UXS1: variants seen among roughly 807,000 people sequenced by gnomAD.
UXS1 encodes the protein UDP-glucuronate decarboxylase 1.
In UXS1, 33 loss-of-function variants were observed where a neutral mutation model predicts 62.6. The observed-to-expected ratio is 0.53, with a 90% CI of 0.40 to 0.70. The LOEUF (loss-of-function observed/expected upper bound fraction) is 0.70. Ranked by LOEUF, UXS1 falls within the 30% of genes least tolerant of loss-of-function variation. The pLI, the probability that UXS1 is intolerant of heterozygous loss-of-function variation, is 0.00. For missense variants in UXS1, 434 were observed against 556.3 expected (o/e 0.78, Z 2.21); for synonymous variants, 213 against 206.8 (o/e 1.03, Z -0.26).
At chr2:106,126,984 A>C (rs1203270056) in intron 7 of UXS1, among the ~76,000 whole-genome samples, 1 of 152,198 alleles carries the variant, frequency 6.6e-6, no homozygotes, top group African/African-American at 2.4e-5. Context: ...CAAGGATGAT[A>C]CACAAATGGA....
At chr2:106,182,564 G>C (rs1684313678) in intron 1 of UXS1, among the ~76,000 whole-genome samples, 1 of 152,202 alleles carries the variant, frequency 6.6e-6, no homozygotes, top group Non-Finnish European at 1.5e-5. Context: ...AAAAAGGGCA[G>C]AGAGGGAAAG....
chr2:106,144,122 T>C (rs1256625167), intron 6 of UXS1, among the ~76,000 whole-genome samples: 1 of 152,218 alleles, frequency 6.6e-6, no homozygotes, highest in East Asian at 1.9e-4. Context: ...CCCTGTCACA[T>C]GTATGACCTC....
intron 5 of UXS1, 101 bp downstream of exon 5, chr2:106,157,957 G>T: frequency 9.5e-7 from 1 of 1,049,422 alleles, no homozygotes; most frequent in Non-Finnish European, 1.4e-6. Flanking sequence ...CCACTGAATC[G>T]TATCTTTGAG....
intron 5 of UXS1, among the ~76,000 whole-genome samples, chr2:106,145,861 C>A (rs909652765): frequency 3.3e-5 from 5 of 152,144 alleles, no homozygotes; most frequent in African/African-American, 1.2e-4. Context: ...AAACAAATAT[C>A]TTTTAAATTG....
chr2:106,192,864 G>A (rs1685017811), intron 1 of UXS1, among the ~76,000 whole-genome samples: 1 of 152,144 alleles, frequency 6.6e-6, no homozygotes, highest in African/African-American at 2.4e-5. Flanking sequence ...TAAGAATCAT[G>A]ACTCACACAG....
At chr2:106,193,750 G>C (rs1685085882) in intron 1 of UXS1, among the ~76,000 whole-genome samples, 1 of 152,144 alleles carries the variant, frequency 6.6e-6, no homozygotes, top group African/African-American at 2.4e-5. Flanking sequence ...ACACCGCGGC[G>C]CGACCTCGGC....
intron 14 of UXS1, among the ~76,000 whole-genome samples, chr2:106,096,043 A>T (rs1677056407): frequency 6.6e-6 from 1 of 152,196 alleles, no homozygotes; most frequent in South Asian, 2.1e-4. Flanking sequence ...GCACGCTTCC[A>T]ACCAGGGGCT....
intron 1 of UXS1, among the ~76,000 whole-genome samples, chr2:106,177,202 T>TC (rs1396398247): frequency 7.0e-6 from 1 of 143,264 alleles, no homozygotes; most frequent in African/African-American, 2.8e-5. Flanking sequence ...TCTTTTTTCT[T>TC]TTTTTTTTTT....
rs542712743 is a variant in UXS1, at chr2:106,120,259, A to G, written c.759+2711T>C. ...CCTCCTGGAGCTCAGGCAATACCAC[A>G]GTGACCCTCACAGGCTCACTGCTCT... On this transcript the variant is annotated intron_variant, in intron 9 of 14. Coordinates refer to ENST00000283148, the MANE Select transcript of UXS1 (RefSeq NM_001253875.2). Among the ~76,000 whole-genome samples, 3 of 152,316 alleles carry G rather than the reference A, an allele frequency of 2.0e-5. No individual in the cohort carries two copies. In the East Asian group the frequency reaches 5.8e-4, roughly 29 times the overall value.
At chr2:106,102,710 A>C (rs1677697226) in intron 11 of UXS1, 2 of 152,154 alleles carry the variant, frequency 1.3e-5, no homozygotes, top group African/African-American at 4.8e-5. Flanking sequence ...TAGTACAGTA[A>C]CTATATGGAC....
chr2:106,145,385 C>CGTGTG lies in UXS1; in HGVS notation c.292-20_292-16dup. 6.2e-7 allele frequency: 1 copy of CGTGTG among 1,605,334 alleles called. No individual in the cohort carries two copies. The highest frequency in any genetic ancestry group is 8.5e-7 in the Non-Finnish European group (1 of 1,175,446). On this transcript the variant is annotated splice_polypyrimidine_tract_variant and intron_variant, in intron 5 of 14. Coordinates refer to ENST00000283148, the MANE Select transcript of UXS1 (RefSeq NM_001253875.2). ...CCTCCTGTTATCTGCATCCGGACAG[C>CGTGTG]GTGTGCAGAGCATTCCCAGAAAAAG...
chr2:106,112,767 T>C lies in UXS1; in HGVS notation c.760-2A>G, dbSNP rs1357994256. On this transcript the variant is annotated splice_acceptor_variant, in intron 9 of 14. Transcript: ENST00000283148. LOFTEE classifies it high-confidence loss of function. ...GGCCACTCGCACTTCCACGCCTTCC[T>C]GGAACAGAGAGAAGAGGAGGTCAGG... The C allele has an allele frequency of 6.2e-7, 1 of 1,613,150 alleles. No homozygotes were observed. The highest frequency in any genetic ancestry group is 8.5e-7 in the Non-Finnish European group (1 of 1,179,602).
At chr2:106,166,828 TG>T (rs1209441628) in intron 1 of UXS1, among the ~76,000 whole-genome samples, 2 of 151,896 alleles carry the variant, frequency 1.3e-5, no homozygotes, top group Non-Finnish European at 2.9e-5. Context: ...TAGCTAAGGA[TG>T]CATGTGTTTT....
rs774167977 is a variant in UXS1 at position 106,145,378 on chromosome 2, C to T, written c.292-8G>A. 2.5e-6 allele frequency: 4 copies of T among 1,609,842 alleles called. No homozygotes were observed. Among genetic ancestry groups the T allele is most frequent in the African/African-American group, 1.3e-5 (1 of 74,856 alleles). On this transcript the variant is annotated splice_region_variant and splice_polypyrimidine_tract_variant and intron_variant, in intron 5 of 14. Coordinates refer to ENST00000283148, the MANE Select transcript of UXS1 (RefSeq NM_001253875.2). ...CCCTGCGCCTCCTGTTATCTGCATCCGGACAGCGTGTGCAGAGCATTCCCA... is the reference window on the plus strand; with the variant it reads ...CCCTGCGCCTCCTGTTATCTGCATCTGGACAGCGTGTGCAGAGCATTCCCA...
chr2:106,096,644 A>T, intron 14 of UXS1, 74 bp downstream of exon 14: 1 of 1,355,028 alleles, frequency 7.4e-7, no homozygotes. Flanking sequence ...GACAAGGGTC[A>T]GTGCCTACAG....
At chr2:106,160,478 A>AGG (rs1682811492) in intron 4 of UXS1, 1 of 152,242 alleles carries the variant, frequency 6.6e-6, no homozygotes, top group Non-Finnish European at 1.5e-5. Flanking sequence ...TTTTAGAGTC[A>AGG]AGACCGCTCG....
At chr2:106,151,544 T>G (rs914412108) in intron 5 of UXS1, among the ~76,000 whole-genome samples, 3 of 152,158 alleles carry the variant, frequency 2.0e-5, no homozygotes, top group Non-Finnish European at 1.5e-5. Context: ...CCCCTTGATA[T>G]TGCACTTGCC....
In UXS1 at chr2:106,157,972, G is replaced by A. The variant is rs1015795745; in HGVS notation, c.291+86C>T. 24 of 1,182,728 alleles carry A rather than the reference G, an allele frequency of 2.0e-5. 1 individual carries two copies. The highest frequency in any genetic ancestry group is 2.0e-4 in the African/African-American group (13 of 65,054). 73.3% of individuals were successfully genotyped at this position (1,182,728 alleles called of 1,614,324 possible). On this transcript the variant is annotated intron_variant, in intron 5 of 14. Coordinates refer to ENST00000283148, the MANE Select transcript of UXS1 (RefSeq NM_001253875.2). ...CCACTGAATCGTATCTTTGAGAAGC[G>A]TGAATTCTATGATATGTGAATTATC...
At chr2:106,174,184 A>G (rs1366236613) in intron 1 of UXS1, among the ~76,000 whole-genome samples, 2 of 152,086 alleles carry the variant, frequency 1.3e-5, no homozygotes, top group Non-Finnish European at 1.5e-5. Flanking sequence ...GGTTGTTTTC[A>G]TAACAAGCCC....
Sources: allele counts gnomAD v4.1 joint callset (sites outside exome capture counted in the v4.1 genomes callset), GRCh38; gene constraint gnomAD v4.1.1; transcripts MANE v1.5; gene names NCBI Gene and HGNC (gene_info 2026-07-23, HGNC 2026-07-21).